USP40: variants seen among roughly 807,000 people sequenced by gnomAD.
USP40 encodes the protein ubiquitin specific peptidase 40.
A neutral mutation model predicts 166.2 loss-of-function variants in USP40; 143 were observed. The observed-to-expected ratio is 0.86, with a 90% CI of 0.75 to 0.99. The LOEUF (loss-of-function observed/expected upper bound fraction) is 0.99. Among genes scored for constraint, USP40 ranks in the 50% least tolerant of loss-of-function variants. The pLI, the probability that USP40 is intolerant of heterozygous loss-of-function variation, is 0.00. For missense variants in USP40, 1,444 were observed against 1,479.7 expected, an observed-to-expected ratio of 0.98 and a Z score of 0.40; for synonymous variants, 498 against 524.0, an observed-to-expected ratio of 0.95 and a Z score of 0.68.
intron 21 of USP40, among the ~76,000 whole-genome samples, chr2:233,502,729 A>C (rs549923444): frequency 6.6e-6 from 1 of 152,174 alleles, no homozygotes; most frequent in Admixed American, 6.5e-5. Flanking sequence ...AACACCCGTA[A>C]CCTAGGAAAT....
At chr2:233,523,625 A>G in intron 15 of USP40, 136 bp from the exon 16 acceptor site, 1 of 828,034 alleles carries the variant, frequency 1.2e-6, no homozygotes, top group Non-Finnish European at 1.8e-6. Flanking sequence ...ATGTCTGTTA[A>G]GCATCAGAGG....
intron 10 of USP40, among the ~76,000 whole-genome samples, chr2:233,535,075 C>T (rs2068840693): frequency 6.6e-6 from 1 of 152,184 alleles, no homozygotes; most frequent in Admixed American, 6.5e-5. Flanking sequence ...CATGATGGAA[C>T]AGATTTCAAG....
rs975963956 is a variant in USP40, at chr2:233,480,943, G to C, written c.3599+260C>G. Among the ~76,000 whole-genome samples, 6 of 152,144 alleles carry C rather than the reference G, an allele frequency of 3.9e-5. No individual in the cohort carries two copies. The East Asian group carries it at 9.6e-4, about 24-fold the overall frequency. The stretch of plus-strand genomic sequence containing the variant: ...CGGGTGAGGAGGAAGGAGGGGGACC[G>C]GGGGGCCATGGATCTGCGGGCTCCT... On this transcript the variant is annotated intron_variant, in intron 31 of 31. Transcript: ENST00000678225. This position sits in a 1 kb window ranked among gnomAD's most constrained non-coding sequence, Gnocchi z 4.5.
At chr2:233,484,141 G>C (rs983943800) in intron 30 of USP40, among the ~76,000 whole-genome samples, 5 of 152,208 alleles carry the variant, frequency 3.3e-5, no homozygotes, top group Non-Finnish European at 7.3e-5. Context: ...CTGGGCAACA[G>C]AGCGAGATAC....
At chr2:233,514,017 T>C (rs1343151004) in intron 18 of USP40, among the ~76,000 whole-genome samples, 2 of 152,222 alleles carry the variant, frequency 1.3e-5, no homozygotes, top group East Asian at 1.9e-4. Context: ...CATAAATCTC[T>C]TGTCGACGGA....
intron 7 of USP40, among the ~76,000 whole-genome samples, chr2:233,549,701 A>G (rs1250953121): frequency 6.6e-6 from 1 of 152,006 alleles, no homozygotes; most frequent in Non-Finnish European, 1.5e-5. Context: ...CTAGGTTGTC[A>G]TGTGCCTCAA....
intron 30 of USP40, among the ~76,000 whole-genome samples, chr2:233,484,144 C>T (rs563076676): frequency 9.2e-5 from 14 of 152,154 alleles, no homozygotes; most frequent in Non-Finnish European, 1.8e-4. Flanking sequence ...GGCAACAGAG[C>T]GAGATACTGT....
chr2:233,548,452 A>G (rs569308473), intron 8 of USP40, among the ~76,000 whole-genome samples: 2 of 152,316 alleles, frequency 1.3e-5, no homozygotes, highest in Non-Finnish European at 2.9e-5. Flanking sequence ...AAAAAATTCA[A>G]TAATTGTCAG....
At chr2:233,491,008 C>T (rs766495091) in intron 26 of USP40, 159 bp downstream of exon 26, 27 of 723,460 alleles carry the variant, frequency 3.7e-5, no homozygotes, top group Admixed American at 1.2e-4. Flanking sequence ...GCACCATGGG[C>T]GTGTATTGCC....
intron 14 of USP40, among the ~76,000 whole-genome samples, chr2:233,524,806 C>G (rs940810188): frequency 2.6e-5 from 4 of 152,106 alleles, no homozygotes; most frequent in Admixed American, 2.6e-4. Context: ...GTACTTGAGG[C>G]ACATGACATT....
At chr2:233,499,766 T>C (rs2065955682) in intron 22 of USP40, 113 bp downstream of exon 22, 1 of 830,904 alleles carries the variant, frequency 1.2e-6, no homozygotes, top group East Asian at 2.7e-5. Context: ...TAAACTACTT[T>C]TTATTTCTCC....
At chr2:233,518,691 G>GAGAGTTTCTTAT (rs1339869057) in intron 18 of USP40, among the ~76,000 whole-genome samples, 2 of 152,028 alleles carry the variant, frequency 1.3e-5, no homozygotes, top group Non-Finnish European at 2.9e-5. Flanking sequence ...ATAATAGTGC[G>GAGAGTTTCTTAT]AGAGTTTCTT....
Position 233,477,366 on chromosome 2 carries a change from G to A in USP40, c.*26C>T, listed in dbSNP as rs748554469. ...TGTGGCATCAGCCGGAGAGTTCATC[G>A]GGAGTAGAGCCGTGCAGCGGCGCGG... On this transcript the variant is annotated 3_prime_UTR_variant, in exon 32 of 32. Transcript: ENST00000678225. 13 of 1,605,120 alleles carry A rather than the reference G, an allele frequency of 8.1e-6. No homozygotes were observed. The highest frequency in any genetic ancestry group is 1.7e-5 in the Admixed American group (1 of 59,848).
Position 233,549,156 on chromosome 2 carries a change from C to A in USP40, c.911G>T (p.Gly304Val). ...ATCTTTAATATATACATGGTAATGG[C>A]CTCCGTAGCAGCCACCTTTGTGTAT... is the stretch of plus-strand genomic sequence containing the variant. ...VIIHKGGCYG[G>V]HYHVYIKDVD... The change falls in exon 8 of 32, where the codon GGC (glycine) becomes GTC (valine). Residue 304 changes from glycine to valine, a missense_variant. Coordinates refer to ENST00000678225, the MANE Select transcript of USP40 (RefSeq NM_001365479.2). 1 of 1,597,308 alleles carries A rather than the reference C, an allele frequency of 6.3e-7. No homozygotes were observed. The highest frequency in any genetic ancestry group is 1.1e-5 in the South Asian group (1 of 88,618).
chr2:233,485,875 G>A lies in USP40; in HGVS notation c.3300C>T (p.Ala1100=), dbSNP rs1453375548. 10 of 1,606,774 alleles carry A rather than the reference G, an allele frequency of 6.2e-6. No homozygotes were observed. Among genetic ancestry groups the A allele is most frequent in the South Asian group, 2.2e-5 (2 of 89,330 alleles). Residue 1100 remains alanine, a synonymous_variant, in exon 29 of 32, where the codon GCC becomes GCT. Coordinates refer to ENST00000678225, the MANE Select transcript of USP40 (RefSeq NM_001365479.2). ...LVWNAAQGGT[A]GSLRQRVADF... ...CGGCAACTCTCTGCCTCAGGGAGCC[G>A]GCAGTCCCACCCTGGGCCGCGTTCC...
intron 30 of USP40, among the ~76,000 whole-genome samples, chr2:233,483,214 G>T (rs2064737182): frequency 6.6e-6 from 1 of 152,138 alleles, no homozygotes; most frequent in Non-Finnish European, 1.5e-5. Flanking sequence ...TTCTTGCCAG[G>T]CATGGTGGCT....
chr2:233,556,996 C>T lies in USP40; in HGVS notation c.405G>A (p.Gln135=). ...CGCTGAAGAGGATTCGATTCAGTTC[C>T]TGCACATCATGTTGCCTCATTTCCT... is the stretch of plus-strand genomic sequence containing the variant. ...SNEEMRQHDV[Q]ELNRILFSAL... The change falls in exon 5 of 32, where the codon CAG becomes CAA. Residue 135 remains glutamine (Q), a synonymous_variant. Transcript: ENST00000678225. 6.2e-7 allele frequency: 1 copy of T among 1,612,942 alleles called. No individual in the cohort carries two copies. Among genetic ancestry groups the T allele is most frequent in the Non-Finnish European group, 8.5e-7 (1 of 1,179,588 alleles).
At position 233,493,524 on chromosome 2, in the gene USP40, A is replaced by G; in HGVS notation, c.2818T>C (p.Tyr940His). ...LGFLKVPIWW[Y>H]QLQGPSGHWE... ...TGTCCTGAGGGACCCTGAAGCTGGT[A>G]CCACCAGATGGGCACCTTCAGGAAA... Residue 940 changes from tyrosine (Y) to histidine (H), a missense_variant, in exon 25 of 32, where the codon TAC (tyrosine) becomes CAC (histidine). Tyr to His is a moderately conservative substitution (Grantham distance 83). Transcript: ENST00000678225. This position sits in a 1 kb window ranked among gnomAD's most constrained non-coding sequence, Gnocchi z 4.7. 3 of 1,613,458 alleles carry G rather than the reference A, an allele frequency of 1.9e-6. No individual in the cohort carries two copies. The highest frequency in any genetic ancestry group is 2.5e-6 in the Non-Finnish European group (3 of 1,179,682).
chr2:233,517,394 T>TTTTTTTTTTTTTTTTTTTTTTTG (rs2067288915), intron 18 of USP40, among the ~76,000 whole-genome samples: 1 of 147,904 alleles, frequency 6.8e-6, no homozygotes. Flanking sequence ...TTGTTTTTTT[T>TTTTTTTTTTTTTTTTTTTTTTTG]TTTTTTTTGA....
Sources: gnomAD v4.1 joint callset for allele counts (sites outside exome capture counted in the v4.1 genomes callset) on GRCh38, gnomAD v4.1.1 for gene constraint, Gnocchi (gnomAD v3.1) non-coding constraint, MANE v1.5 for transcripts, NCBI Gene and HGNC (gene_info 2026-07-23, HGNC 2026-07-21) for gene names.